PRKN: variants seen among roughly 807,000 people sequenced by gnomAD.
PRKN encodes the protein E3 ubiquitin-protein ligase parkin.
A neutral mutation model predicts 59.5 loss-of-function variants in PRKN; 56 were observed. That is an observed-to-expected ratio of 0.94 (90% confidence interval 0.76 to 1.18). The LOEUF (loss-of-function observed/expected upper bound fraction) is 1.18, where lower values mean the gene tolerates loss of function less well. Ranked by LOEUF, PRKN falls within the 50% of genes most tolerant of loss-of-function variation. The pLI is 0.00. For missense variants in PRKN, 657 were observed against 596.4 expected (o/e 1.10, Z -1.06); for synonymous variants, 250 against 222.1 (o/e 1.13, Z -1.12).
At chr6:161,966,370 A>G (rs1248368177) in intron 6 of PRKN, among the ~76,000 whole-genome samples, 1 of 150,894 alleles carries the variant, frequency 6.6e-6, no homozygotes, top group Non-Finnish European at 1.5e-5. Flanking sequence ...CTGGCACTGT[A>G]AAGGGAGATT....
intron 6 of PRKN, among the ~76,000 whole-genome samples, chr6:161,820,199 T>C (rs1220674616): frequency 9.0e-6 from 1 of 111,410 alleles, no homozygotes; most frequent in Non-Finnish European, 2.1e-5. Context: ...ATAACCACCA[T>C]TGAATAAAAA....
At chr6:161,971,160 G>A (rs1780790989) in intron 6 of PRKN, among the ~76,000 whole-genome samples, 1 of 151,660 alleles carries the variant, frequency 6.6e-6, no homozygotes, top group Non-Finnish European at 1.5e-5. Context: ...CAAAATTAAT[G>A]TGACAATATT....
At chr6:162,309,884 C>T (rs1782406013) in intron 2 of PRKN, among the ~76,000 whole-genome samples, 1 of 152,058 alleles carries the variant, frequency 6.6e-6, no homozygotes, top group Non-Finnish European at 1.5e-5. Flanking sequence ...TTCCAGAAGG[C>T]CCCAGTGTGT....
chr6:162,024,914 C>T (rs1048760577), intron 5 of PRKN, among the ~76,000 whole-genome samples: 27 of 151,884 alleles, frequency 1.8e-4, no homozygotes, highest in African/African-American at 5.8e-4. Context: ...AGCACGTGCA[C>T]CAAATAAGTC....
chr6:161,725,914 C>G (rs898290267), intron 7 of PRKN, among the ~76,000 whole-genome samples: 9 of 152,162 alleles, frequency 5.9e-5, no homozygotes, highest in African/African-American at 1.9e-4. Context: ...ACTGTCAGAG[C>G]AGGAGGTTAA....
At chr6:161,507,565 G>A (rs12203897) in intron 9 of PRKN, among the ~76,000 whole-genome samples, 22,809 of 152,088 alleles carry the variant, frequency 0.15, 2,243 homozygotes, top group Middle Eastern at 0.29. Context: ...CAGCTGCTGG[G>A]GACAGCCAAG....
chr6:162,097,644 G>A (rs549077611), intron 4 of PRKN, among the ~76,000 whole-genome samples: 26 of 152,220 alleles, frequency 1.7e-4, no homozygotes, highest in East Asian at 1.2e-3. Flanking sequence ...TTGTTTCCAC[G>A]TGTGATTGAC....
chr6:162,343,236 G>C (rs937800069), intron 2 of PRKN, among the ~76,000 whole-genome samples: 1 of 152,110 alleles, frequency 6.6e-6, no homozygotes, highest in African/African-American at 2.4e-5. Context: ...ACAGGTATAA[G>C]ACTGTTAACC....
intron 9 of PRKN, among the ~76,000 whole-genome samples, chr6:161,535,319 AC>A (rs201973183): frequency 2.6e-5 from 4 of 152,192 alleles, no homozygotes; most frequent in African/African-American, 9.7e-5. Flanking sequence ...ATATATTGTT[AC>A]AAAAAAAGAT....
intron 2 of PRKN, among the ~76,000 whole-genome samples, chr6:162,340,976 C>T (rs1337362762): frequency 6.6e-6 from 1 of 152,082 alleles, no homozygotes; most frequent in Non-Finnish European, 1.5e-5. Context: ...TCAGAGTCAA[C>T]AGGCAACCTA....
chr6:161,690,886 C>T (rs1215844034), intron 7 of PRKN, among the ~76,000 whole-genome samples: 2 of 152,168 alleles, frequency 1.3e-5, no homozygotes, highest in African/African-American at 4.8e-5. Flanking sequence ...TTTCAGCCTC[C>T]ATAAACGCAA....
At position 162,011,054 on chromosome 6, in the gene PRKN, T is replaced by TA. The variant is rs1374972350; in HGVS notation, c.619-37638dup. 9.1e-3 allele frequency among the ~76,000 whole-genome samples: 114 copies of TA among 12,460 alleles called. 2 individuals are homozygous for TA. The highest frequency in any genetic ancestry group is 0.039 in the African/African-American group (52 of 1,328). The allele number at this position is 12,460 out of a possible 152,430, so 8.2% of individuals were successfully genotyped here. On this transcript the variant is annotated intron_variant, in intron 5 of 11. Coordinates refer to ENST00000366898, the MANE Select transcript of PRKN (RefSeq NM_004562.3). ...AATTATAATATATATTTATAATATA[T>TA]ATTATAATATATAATATATTTATAA...
chr6:162,374,079 G>T (rs1188807159), intron 2 of PRKN, among the ~76,000 whole-genome samples: 1 of 152,200 alleles, frequency 6.6e-6, no homozygotes, highest in East Asian at 1.9e-4. Context: ...ACTCTGTACA[G>T]GGAAAACTTT....
At chr6:161,886,741 A>C (rs1410558276) in intron 6 of PRKN, among the ~76,000 whole-genome samples, 2 of 136,242 alleles carry the variant, frequency 1.5e-5, no homozygotes, top group East Asian at 4.1e-4. Context: ...AATAAAATAA[A>C]ATAATAAAAT....
Position 162,283,518 on chromosome 6 carries a change from G to T in PRKN, c.172-20753C>A, listed in dbSNP as rs148929631. On this transcript the variant is annotated intron_variant, in intron 2 of 11. Transcript: ENST00000366898. ...GTAACTATCTCAATGAAAAAGTAGA[G>T]AAGCATAGAGTGAAAAAATCCTTAG... Among the ~76,000 whole-genome samples the T allele has an allele frequency of 6.2e-4, 95 of 152,276 alleles. No homozygotes were observed. The East Asian group carries it at 0.013, about 21-fold the overall frequency.
intron 1 of PRKN, among the ~76,000 whole-genome samples, chr6:162,618,237 G>C (rs12193969): frequency 0.19 from 29,609 of 152,004 alleles, 3,540 homozygotes; most frequent in East Asian, 0.47. Context: ...TTTAAGGAAA[G>C]GGTCTTATGA....
intron 1 of PRKN, among the ~76,000 whole-genome samples, chr6:162,464,500 C>T (rs1791323031): frequency 6.6e-6 from 1 of 151,888 alleles, no homozygotes; most frequent in Non-Finnish European, 1.5e-5. Context: ...CTTTCAAAGT[C>T]ACATTCTATT....
rs1368119071 is a variant in PRKN at position 161,361,902 on chromosome 6, C to A, written c.1168-1697G>T. On this transcript the variant is annotated intron_variant, in intron 10 of 11. Transcript: ENST00000366898. This position sits in a 1 kb window ranked among gnomAD's most constrained non-coding sequence, Gnocchi z 5.2. Reference sequence around the variant, plus strand: ...GGTAACTAGGTATGCATCTTCATGGCACGCCTTCCAGTCACCACAGAGTCT... The same window carrying A: ...GGTAACTAGGTATGCATCTTCATGGAACGCCTTCCAGTCACCACAGAGTCT... Among the ~76,000 whole-genome samples the A allele has an allele frequency of 6.6e-6, 1 of 152,110 alleles. No individual in the cohort carries two copies. Among genetic ancestry groups the A allele is most frequent in the African/African-American group, 2.4e-5 (1 of 41,410 alleles).
At chr6:161,381,459 T>G (rs1376610160) in intron 10 of PRKN, among the ~76,000 whole-genome samples, 1 of 152,236 alleles carries the variant, frequency 6.6e-6, no homozygotes, top group Non-Finnish European at 1.5e-5. Context: ...TAAGATGGTG[T>G]ACGTGAAAGT....
Sources: allele counts gnomAD v4.1 joint callset (sites outside exome capture counted in the v4.1 genomes callset), GRCh38; gene constraint gnomAD v4.1.1; non-coding constraint Gnocchi (gnomAD v3.1); transcripts MANE v1.5; gene names NCBI Gene and HGNC (gene_info 2026-07-23, HGNC 2026-07-21).